The following RBM46 variants were observed in gnomAD, a reference collection of about 807,000 sequenced individuals.
The protein encoded by RBM46 is RNA binding motif protein 46, also known as probable RNA-binding protein 46.
A neutral mutation model predicts 43.3 loss-of-function variants in RBM46; 12 were observed. The ratio of observed to expected loss-of-function variants is 0.28; its 90% CI spans 0.18 to 0.45. The LOEUF (loss-of-function observed/expected upper bound fraction) is 0.45, where lower values mean the gene tolerates loss of function less well. Ranked by LOEUF, RBM46 falls within the 20% of genes least tolerant of loss-of-function variation. The pLI, the probability that RBM46 is intolerant of heterozygous loss-of-function variation, is 1.00. For synonymous variants in RBM46, 205 were observed against 207.6 expected, an observed-to-expected ratio of 0.99 and a Z score of 0.11; for missense variants, 412 against 639.1, an observed-to-expected ratio of 0.64 and a Z score of 3.83.
Position 154,828,476 on chromosome 4 carries a change from A to C in RBM46, c.*409A>C. ...TTGATTACCAAGGATCACTATCTGTACTGGAGATTAGAACAATTATATGAC... is the reference window on the plus strand; with the variant it reads ...TTGATTACCAAGGATCACTATCTGTCCTGGAGATTAGAACAATTATATGAC... On this transcript the variant is annotated 3_prime_UTR_variant, in exon 5 of 5. Coordinates refer to ENST00000281722, the MANE Select transcript of RBM46 (RefSeq NM_144979.5). 1 of 172,520 alleles carries C rather than the reference A, an allele frequency of 5.8e-6. No individual in the cohort carries two copies. Among genetic ancestry groups the C allele is most frequent in the Non-Finnish European group, 1.2e-5 (1 of 81,162 alleles). The allele number at this position is 172,520 out of a possible 1,614,324, so 10.7% of individuals were successfully genotyped here. A position where few individuals can be genotyped will look rare whatever the true frequency, so the allele number is the denominator to read the frequency against.
intron 4 of RBM46, among the ~76,000 whole-genome samples, chr4:154,819,201 T>C (rs776050816): frequency 2.6e-5 from 4 of 152,216 alleles, no homozygotes; most frequent in Non-Finnish European, 4.4e-5. Flanking sequence ...TTCAGAAAGG[T>C]GGCCAAAGGA....
intron 4 of RBM46, among the ~76,000 whole-genome samples, chr4:154,800,427 CTTTTTAATTTCATGTTT>C: frequency 6.6e-6 from 1 of 152,238 alleles, no homozygotes; most frequent in South Asian, 2.1e-4. Context: ...TGACCATTCT[CTTTTTAATTTCATGTTT>C]TTCAAAAAGT....
intron 4 of RBM46, among the ~76,000 whole-genome samples, chr4:154,818,891 G>A (rs998174302): frequency 6.6e-6 from 1 of 152,006 alleles, no homozygotes; most frequent in African/African-American, 2.4e-5. Context: ...CTCAGTTCTA[G>A]AATTAAATTT....
chr4:154,787,620 T>C (rs1158568258), intron 1 of RBM46, among the ~76,000 whole-genome samples: 1 of 152,176 alleles, frequency 6.6e-6, no homozygotes. Context: ...TCTTTGCTAT[T>C]GTGAATAGTG....
chr4:154,804,007 CT>C (rs1242143029), intron 4 of RBM46, among the ~76,000 whole-genome samples: 1 of 152,092 alleles, frequency 6.6e-6, no homozygotes, highest in African/African-American at 2.4e-5. Context: ...TGTGTAGCAC[CT>C]TCTTGCTTTC....
rs1260703858 is a variant in RBM46, at chr4:154,799,154, T to C, written c.992T>C (p.Ile331Thr). The C allele has an allele frequency of 6.2e-7, 1 of 1,614,138 alleles. No individual in the cohort carries two copies. The highest frequency in any genetic ancestry group is 1.7e-5 in the Admixed American group (1 of 60,020). Residue 331 changes from isoleucine to threonine, a missense_variant, in exon 4 of 5, where the codon ATT (isoleucine) becomes ACT (threonine). Physicochemically the swap from Ile to Thr is moderately conservative, Grantham distance 89. Transcript: ENST00000281722. ...GQISPNSENL[I>T]VFANKEESHP... ...ATTAGTCCAAATTCTGAAAATCTGA[T>C]TGTGTTTGCTAACAAAGAAGAGAGC... is the stretch of plus-strand genomic sequence containing the variant.
At position 154,822,016 on chromosome 4, in the gene RBM46, G is replaced by T. The variant is rs1302517035; in HGVS notation, c.1403-5852G>T. Reference sequence around the variant, plus strand: ...AAATTCTTGCACTTTAATTGTATGGGATGTAGTTTGGGAAATACTGAAGCT... The same window carrying T: ...AAATTCTTGCACTTTAATTGTATGGTATGTAGTTTGGGAAATACTGAAGCT... On this transcript the variant is annotated intron_variant, in intron 4 of 4. Coordinates refer to ENST00000281722, the MANE Select transcript of RBM46 (RefSeq NM_144979.5). 6.6e-5 allele frequency among the ~76,000 whole-genome samples: 10 copies of T among 151,880 alleles called. No homozygotes were observed. The South Asian group carries it at 1.4e-3, about 22-fold the overall frequency.
chr4:154,822,617 G>GT (rs1560914922), intron 4 of RBM46, among the ~76,000 whole-genome samples: 1 of 151,394 alleles, frequency 6.6e-6, no homozygotes, highest in Non-Finnish European at 1.5e-5. Flanking sequence ...TTGAGTGAAA[G>GT]TAAGTTATTG....
chr4:154,824,789 T>G (rs1051105761), intron 4 of RBM46, among the ~76,000 whole-genome samples: 4 of 151,934 alleles, frequency 2.6e-5, no homozygotes, highest in African/African-American at 7.2e-5. Context: ...AAGATAGACA[T>G]AAAAATACTT....
At chr4:154,815,672 T>A (rs1735402299) in intron 4 of RBM46, among the ~76,000 whole-genome samples, 1 of 152,072 alleles carries the variant, frequency 6.6e-6, no homozygotes, top group African/African-American at 2.4e-5. Context: ...TTTATTTTAT[T>A]ACTTAATATA....
chr4:154,826,925 A>G (rs895977111), intron 4 of RBM46: 3 of 1,322,868 alleles, frequency 2.3e-6, no homozygotes, highest in Admixed American at 7.4e-5. Flanking sequence ...TTACCTGTAC[A>G]TTAGATGACC....
chr4:154,793,643 G>A (rs867200124), intron 1 of RBM46, among the ~76,000 whole-genome samples: 2 of 152,128 alleles, frequency 1.3e-5, no homozygotes, highest in Admixed American at 6.6e-5. Flanking sequence ...GAAGCCTGCA[G>A]GTGTTTTGTT....
chr4:154,827,069 T>A, intron 4 of RBM46: 1 of 1,159,636 alleles, frequency 8.6e-7, no homozygotes, highest in East Asian at 4.2e-5. Context: ...ATTTAAAAAT[T>A]TGGTCTGTAA....
intron 2 of RBM46, 120 bp downstream of exon 2, chr4:154,797,023 T>G (rs1734387232): frequency 1.3e-6 from 1 of 748,444 alleles, no homozygotes; most frequent in South Asian, 2.4e-5. Flanking sequence ...TAAGACATTT[T>G]TTTTTTTACT....
At position 154,812,393 on chromosome 4, in the gene RBM46, A is replaced by G. The variant is rs535963398; in HGVS notation, c.1402+12829A>G. 1.3e-4 allele frequency among the ~76,000 whole-genome samples: 20 copies of G among 152,192 alleles called. No individual in the cohort carries two copies. The East Asian group carries it at 2.7e-3, about 21-fold the overall frequency. On this transcript the variant is annotated intron_variant, in intron 4 of 4. Transcript: ENST00000281722. Reference sequence around the variant, plus strand: ...CCTGAGTTAGAAAAATCTTGTAAACATATCTTGTTTACAAGGTAGCTTCAT... The same window carrying G: ...CCTGAGTTAGAAAAATCTTGTAAACGTATCTTGTTTACAAGGTAGCTTCAT...
At chr4:154,827,212 A>G in intron 4 of RBM46, 2 of 896,324 alleles carry the variant, frequency 2.2e-6, no homozygotes, top group Non-Finnish European at 2.7e-6. Flanking sequence ...ATTTTTCTGT[A>G]CTATAAGTTG....
At chr4:154,796,548 G>A (rs761911488) in intron 1 of RBM46, among the ~76,000 whole-genome samples, 194 bp from the exon 2 acceptor site, 3 of 151,998 alleles carry the variant, frequency 2.0e-5, no homozygotes, top group Non-Finnish European at 4.4e-5. Flanking sequence ...TGCATAATTG[G>A]TCAGTGACAT....
At chr4:154,809,790 C>T (rs1385677991) in intron 4 of RBM46, among the ~76,000 whole-genome samples, 9 of 152,008 alleles carry the variant, frequency 5.9e-5, no homozygotes, top group African/African-American at 1.7e-4. Flanking sequence ...ACTTTCATTC[C>T]TGCCTCATTC....
intron 1 of RBM46, among the ~76,000 whole-genome samples, chr4:154,785,098 T>C (rs1019387919): frequency 3.3e-5 from 5 of 152,162 alleles, no homozygotes; most frequent in African/African-American, 7.2e-5. Flanking sequence ...GGTTTTTTTT[T>C]CTAAAGAGAA....
Sources: gnomAD v4.1 joint callset for allele counts (sites outside exome capture counted in the v4.1 genomes callset) on GRCh38, gnomAD v4.1.1 for gene constraint, MANE v1.5 for transcripts, NCBI Gene and HGNC (gene_info 2026-07-23, HGNC 2026-07-21) for gene names.